Variants in TMEM117 observed in about 807,000 individuals in gnomAD.
The protein encoded by TMEM117 is transmembrane protein 117.
TMEM117 carries 27 observed loss-of-function variants against 52.4 expected under a neutral mutation model. The observed-to-expected ratio is 0.51, with a 90% CI of 0.38 to 0.71. TMEM117 has a LOEUF of 0.71. Among genes scored for constraint, TMEM117 ranks in the 30% least tolerant of loss-of-function variants. The pLI is 0.00. For synonymous variants in TMEM117, 215 were observed against 206.3 expected, an observed-to-expected ratio of 1.04 and a Z score of -0.36; for missense variants, 556 against 630.5, an observed-to-expected ratio of 0.88 and a Z score of 1.26.
chr12:43,990,277 A>G (rs1340605603), intron 3 of TMEM117, among the ~76,000 whole-genome samples: 2 of 152,184 alleles, frequency 1.3e-5, no homozygotes, highest in African/African-American at 4.8e-5. Flanking sequence ...ATTGAGGGTC[A>G]AATGAATCTG....
chr12:43,962,000 T>A (rs924146405), intron 3 of TMEM117, among the ~76,000 whole-genome samples: 1 of 152,202 alleles, frequency 6.6e-6, no homozygotes, highest in Admixed American at 6.5e-5. Flanking sequence ...CCATAGTTAT[T>A]CTTGAGGAAT....
the TMEM117 span, chr12:43,797,341 A>G: frequency 6.2e-7 from 1 of 1,603,920 alleles, no homozygotes. Flanking sequence ...GAATGTTTAT[A>G]CAGAAAGAAA....
chr12:44,368,526 G>T (rs1047054018), intron 6 of TMEM117, among the ~76,000 whole-genome samples: 1 of 151,804 alleles, frequency 6.6e-6, no homozygotes, highest in Non-Finnish European at 1.5e-5. Context: ...ATTTTTTCAT[G>T]GAGAAAAATG....
chr12:44,152,245 T>C (rs1207688783), intron 4 of TMEM117, among the ~76,000 whole-genome samples: 3 of 111,336 alleles, frequency 2.7e-5, no homozygotes, highest in African/African-American at 1.1e-4. Flanking sequence ...ATATATATAA[T>C]TATAAATATA....
At chr12:44,324,350 A>T (rs75085471) in intron 6 of TMEM117, among the ~76,000 whole-genome samples, 3 of 151,990 alleles carry the variant, frequency 2.0e-5, no homozygotes, top group Admixed American at 1.3e-4. Context: ...GCTCTATAAC[A>T]TATTAGAGCC....
the TMEM117 span, among the ~76,000 whole-genome samples, chr12:43,808,222 A>G: frequency 6.6e-6 from 1 of 152,212 alleles, no homozygotes; most frequent in Non-Finnish European, 1.5e-5. Context: ...TTTTCTCCAA[A>G]TAAGATCTCT....
chr12:44,047,242 T>G (rs1242392177), intron 3 of TMEM117, among the ~76,000 whole-genome samples: 1 of 152,176 alleles, frequency 6.6e-6, no homozygotes, highest in East Asian at 1.9e-4. Context: ...TCTGTTATTT[T>G]TTGCTCTCTG....
chr12:44,342,362 A>G (rs1951428974), intron 6 of TMEM117, among the ~76,000 whole-genome samples: 1 of 152,190 alleles, frequency 6.6e-6, no homozygotes, highest in Non-Finnish European at 1.5e-5. Context: ...AACTGCTTAG[A>G]GACAGCAAAA....
intron 3 of TMEM117, among the ~76,000 whole-genome samples, chr12:43,977,377 T>C (rs1442751780): frequency 6.6e-6 from 1 of 152,050 alleles, no homozygotes; most frequent in Non-Finnish European, 1.5e-5. Context: ...CACACCATGG[T>C]ATGGGTTTGA....
At chr12:44,279,032 TTA>T (rs1348111088) in intron 5 of TMEM117, among the ~76,000 whole-genome samples, 2 of 152,162 alleles carry the variant, frequency 1.3e-5, no homozygotes, top group African/African-American at 4.8e-5. Flanking sequence ...ATTTTCCAAA[TTA>T]TGTTATAAAG....
rs747963114 is a variant in TMEM117 at position 43,926,289 on chromosome 12, C to T, written c.278-17921C>T. On this transcript the variant is annotated intron_variant, in intron 2 of 7. Transcript: ENST00000266534. ...CATTAATGGATAATTGATTTGTTCT[C>T]CCTTATATAAAGTGAAGTGCTATGC... Among the ~76,000 whole-genome samples, 15 of 152,234 alleles carry T rather than the reference C, an allele frequency of 9.9e-5. No homozygotes were observed. In the Middle Eastern group the frequency reaches 0.01, roughly 104 times the overall value.
chr12:44,232,119 A>G (rs755332519), intron 5 of TMEM117, among the ~76,000 whole-genome samples: 10 of 151,566 alleles, frequency 6.6e-5, no homozygotes, highest in Non-Finnish European at 1.2e-4. Flanking sequence ...GCTGTTCTTT[A>G]TTTTTATTTT....
At chr12:44,014,526 C>T (rs1333473835) in intron 3 of TMEM117, among the ~76,000 whole-genome samples, 4 of 152,128 alleles carry the variant, frequency 2.6e-5, no homozygotes, top group African/African-American at 9.7e-5. Flanking sequence ...TCTGGGATAA[C>T]ACTTTGAAAA....
At chr12:43,939,640 A>G (rs552370026) in intron 2 of TMEM117, among the ~76,000 whole-genome samples, 2 of 152,268 alleles carry the variant, frequency 1.3e-5, no homozygotes, top group South Asian at 2.1e-4. Context: ...GACTCAGACT[A>G]AGGTGCCTGG....
chr12:44,205,670 A>G (rs970275772), intron 4 of TMEM117, among the ~76,000 whole-genome samples: 5 of 152,194 alleles, frequency 3.3e-5, no homozygotes, highest in Non-Finnish European at 7.4e-5. Flanking sequence ...AAAAAGCTCA[A>G]CATCACTAAT....
chr12:44,155,137 T>C (rs376508981), intron 4 of TMEM117, among the ~76,000 whole-genome samples: 1 of 152,154 alleles, frequency 6.6e-6, no homozygotes, highest in South Asian at 2.1e-4. Context: ...AAATAAGGTA[T>C]TTGTATACAT....
At position 44,341,685 on chromosome 12, in the gene TMEM117, A is replaced by G. The variant is rs1241145318; in HGVS notation, c.769-34910A>G. Among the ~76,000 whole-genome samples, 7 of 152,262 alleles carry G rather than the reference A, an allele frequency of 4.6e-5. No individual in the cohort carries two copies. The South Asian group carries it at 1.0e-3, about 23-fold the overall frequency. ...ACATGTTAGGAGAGACAACCATGGC[A>G]TGGGAGAATTTGCAGTCACATCCGA... is the stretch of plus-strand genomic sequence containing the variant. On this transcript the variant is annotated intron_variant, in intron 6 of 7. Transcript: ENST00000266534.
At chr12:44,304,201 G>C (rs1418591650) in intron 6 of TMEM117, among the ~76,000 whole-genome samples, 2 of 152,200 alleles carry the variant, frequency 1.3e-5, no homozygotes, top group Non-Finnish European at 2.9e-5. Flanking sequence ...AGGGAGGAGA[G>C]CACAGTGACT....
the TMEM117 span, among the ~76,000 whole-genome samples, chr12:43,829,677 A>G: frequency 6.6e-6 from 1 of 152,236 alleles, no homozygotes; most frequent in African/African-American, 2.4e-5. Flanking sequence ...CAAATTTGCC[A>G]TTTAAAACCA....
Sources: allele counts gnomAD v4.1 joint callset (sites outside exome capture counted in the v4.1 genomes callset), GRCh38; gene constraint gnomAD v4.1.1; transcripts MANE v1.5; gene names NCBI Gene and HGNC (gene_info 2026-07-23, HGNC 2026-07-21).